Variants in KIAA1217 observed in about 807,000 individuals in gnomAD.
KIAA1217 encodes the protein sickle tail protein homolog.
A neutral mutation model predicts 163.9 loss-of-function variants in KIAA1217; 88 were observed. The observed-to-expected ratio is 0.54, with a 90% CI of 0.45 to 0.64. The LOEUF is 0.64. Ranked by LOEUF, KIAA1217 falls within the 30% of genes least tolerant of loss-of-function variation. The pLI is 0.00. For synonymous variants in KIAA1217, 903 were observed against 923.1 expected, an observed-to-expected ratio of 0.98 and a Z score of 0.39; for missense variants, 2,372 against 2,475.0, an observed-to-expected ratio of 0.96 and a Z score of 0.88.
At chr10:24,536,294 T>C (rs1476583444) in intron 16 of KIAA1217, among the ~76,000 whole-genome samples, 1 of 152,226 alleles carries the variant, frequency 6.6e-6, no homozygotes, top group Non-Finnish European at 1.5e-5. Context: ...TACCTGTTAC[T>C]ATTTCAGAGA....
chr10:24,052,981 G>A (rs1849627679), intron 2 of KIAA1217, among the ~76,000 whole-genome samples: 1 of 152,126 alleles, frequency 6.6e-6, no homozygotes, highest in African/African-American at 2.4e-5. Flanking sequence ...CTAGACAAAA[G>A]AAGAACCTTC....
intron 1 of KIAA1217, among the ~76,000 whole-genome samples, chr10:23,718,941 A>G (rs1261807899): frequency 1.3e-5 from 2 of 152,158 alleles, no homozygotes; most frequent in African/African-American, 4.8e-5. Context: ...AAGAAATATC[A>G]TTCAGTTAGA....
intron 1 of KIAA1217, among the ~76,000 whole-genome samples, chr10:23,832,511 G>A (rs189936745): frequency 3.3e-5 from 5 of 152,278 alleles, no homozygotes; most frequent in African/African-American, 9.6e-5. Context: ...CCTCTCTCCT[G>A]AAGCGCAGGA....
At chr10:23,948,678 G>T (rs546353556) in intron 1 of KIAA1217, among the ~76,000 whole-genome samples, 1 of 151,932 alleles carries the variant, frequency 6.6e-6, no homozygotes, top group Non-Finnish European at 1.5e-5. Context: ...GTTTGGTTTT[G>T]GTTTTTGCTT....
chr10:24,099,526 A>T (rs1482760302), intron 2 of KIAA1217, among the ~76,000 whole-genome samples: 1 of 149,028 alleles, frequency 6.7e-6, no homozygotes, highest in African/African-American at 2.5e-5. Context: ...ATCCTTTTTT[A>T]TGGCTGCATA....
chr10:24,100,101 T>C (rs2062351239), intron 2 of KIAA1217, among the ~76,000 whole-genome samples: 1 of 152,022 alleles, frequency 6.6e-6, no homozygotes, highest in Non-Finnish European at 1.5e-5. Context: ...GCAAAATAAG[T>C]CTTTGTGTCT....
intron 2 of KIAA1217, among the ~76,000 whole-genome samples, chr10:24,064,551 T>G (rs1192507952): frequency 6.6e-6 from 1 of 152,240 alleles, no homozygotes; most frequent in African/African-American, 2.4e-5. Context: ...GCCAGTATTT[T>G]ATTGAGGATT....
At chr10:23,715,052 C>T (rs552541184) in intron 1 of KIAA1217, among the ~76,000 whole-genome samples, 27 of 152,260 alleles carry the variant, frequency 1.8e-4, no homozygotes, top group Non-Finnish European at 2.8e-4. Flanking sequence ...ATGATAACAT[C>T]GAGATTGTAC....
rs574699020 is a variant in KIAA1217 at position 23,913,363 on chromosome 10, C to T, written c.-320-93862C>T. ...GGCGACAAAGGCTATCATAGTTTACCGTGTTGTTTTTTTGTTTCTGTTTTT... is the reference window on the plus strand; with the variant it reads ...GGCGACAAAGGCTATCATAGTTTACTGTGTTGTTTTTTTGTTTCTGTTTTT... On this transcript the variant is annotated intron_variant, in intron 1 of 18. Transcript: ENST00000376462. Among the ~76,000 whole-genome samples, 127 of 151,930 alleles carry T rather than the reference C, an allele frequency of 8.4e-4. 2 individuals are homozygous for T. The highest frequency in any genetic ancestry group is 3.4e-3 in the Middle Eastern group (1 of 294).
chr10:23,861,266 GC>G (rs1839938395), intron 1 of KIAA1217, among the ~76,000 whole-genome samples: 1 of 152,050 alleles, frequency 6.6e-6, no homozygotes, highest in African/African-American at 2.4e-5. Flanking sequence ...AGTAACACAG[GC>G]AGGAGATCCA....
chr10:24,121,612 A>G (rs751796819), intron 2 of KIAA1217, among the ~76,000 whole-genome samples: 21 of 152,228 alleles, frequency 1.4e-4, no homozygotes, highest in South Asian at 8.3e-4. Context: ...AAAATTTACT[A>G]TAACATCTAC....
At chr10:24,479,728 C>A (rs964615675) in intron 6 of KIAA1217, among the ~76,000 whole-genome samples, 1 of 152,008 alleles carries the variant, frequency 6.6e-6, no homozygotes, top group African/African-American at 2.4e-5. Context: ...TCTGGCAAGG[C>A]CTTTTGTGCT....
intron 2 of KIAA1217, among the ~76,000 whole-genome samples, chr10:24,266,029 T>C (rs970456363): frequency 1.3e-5 from 2 of 151,324 alleles, no homozygotes; most frequent in African/African-American, 2.4e-5. Flanking sequence ...TACAGAACAC[T>C]GGAGGCCCCA....
chr10:24,269,499 G>C (rs2076572612), intron 2 of KIAA1217, among the ~76,000 whole-genome samples: 1 of 152,140 alleles, frequency 6.6e-6, no homozygotes, highest in African/African-American at 2.4e-5. Flanking sequence ...ACTCCAGCTT[G>C]GGCAACAGAG....
chr10:23,859,561 A>G (rs1839860226), intron 1 of KIAA1217, among the ~76,000 whole-genome samples: 1 of 152,250 alleles, frequency 6.6e-6, no homozygotes, highest in South Asian at 2.1e-4. Context: ...ACCACTATCT[A>G]CAATAGTCAG....
chr10:24,062,136 TC>T (rs555405647), intron 2 of KIAA1217, among the ~76,000 whole-genome samples: 178 of 152,096 alleles, frequency 1.2e-3, no homozygotes, highest in African/African-American at 3.9e-3. Context: ...GTTAATGTAT[TC>T]TTTTTTTATT....
At chr10:24,027,548 A>G (rs1372821036) in intron 2 of KIAA1217, among the ~76,000 whole-genome samples, 1 of 152,126 alleles carries the variant, frequency 6.6e-6, no homozygotes, top group Non-Finnish European at 1.5e-5. Context: ...CAGTTGCTGA[A>G]ACAATATATC....
intron 2 of KIAA1217, among the ~76,000 whole-genome samples, chr10:24,236,989 C>T (rs763011529): frequency 2.6e-5 from 4 of 152,112 alleles, no homozygotes; most frequent in Non-Finnish European, 5.9e-5. Flanking sequence ...TTTGTTGAAG[C>T]GAATTCAAGA....
Position 24,524,944 on chromosome 10 carries a change from G to GAGTGAGACACCTGGCCTGTAGGAA in KIAA1217, c.2898+180_2898+181insAGTGAGACACCTGGCCTGTAGGAA, listed in dbSNP as rs1461517012. On this transcript the variant is annotated intron_variant, in intron 13 of 20. Coordinates refer to ENST00000376454, the MANE Select transcript of KIAA1217 (RefSeq NM_019590.5). ...AGATAGGTCATGTGGTTTCAGAGAA[G>GAGTGAGACACCTGGCCTGTAGGAA]GGTGAGACACCTGGCCTGTAGGAAG... is the stretch of plus-strand genomic sequence containing the variant. 4.2e-5 allele frequency among the ~76,000 whole-genome samples: 5 copies of GAGTGAGACACCTGGCCTGTAGGAA among 118,038 alleles called. No individual in the cohort carries two copies. In the East Asian group the frequency reaches 1.1e-3, roughly 27 times the overall value. 77.4% of individuals were successfully genotyped at this position (118,038 alleles called of 152,430 possible).
Sources: allele counts gnomAD v4.1 joint callset (sites outside exome capture counted in the v4.1 genomes callset), GRCh38; gene constraint gnomAD v4.1.1; transcripts MANE v1.5; gene names NCBI Gene and HGNC (gene_info 2026-07-23, HGNC 2026-07-21).